The following STXBP6 variants were observed in gnomAD, a reference collection of about 807,000 sequenced individuals.
The protein encoded by STXBP6 is syntaxin binding protein 6.
Under a neutral mutation model 26.9 loss-of-function variants are expected in STXBP6, and 21 were observed. That is an observed-to-expected ratio of 0.78 (90% CI 0.55 to 1.12). The LOEUF (loss-of-function observed/expected upper bound fraction) is 1.12. STXBP6 is among the 50% of genes most tolerant of loss of function. The probability of loss-of-function intolerance (pLI) is 0.00; values close to 1 mark genes in which losing one functional copy is unlikely to be tolerated. For synonymous variants in STXBP6, 97 were observed against 92.6 expected (o/e 1.05, Z -0.27); for missense variants, 232 against 257.9 (o/e 0.90, Z 0.69).
chr14:24,815,616 A>C (rs2138687277), intron 5 of STXBP6: 1 of 152,164 alleles, frequency 6.6e-6, no homozygotes, highest in East Asian at 1.9e-4. Flanking sequence ...TTCTTCCCCC[A>C]CACACGTAGG....
At chr14:24,946,682 G>A (rs1193735114) in intron 2 of STXBP6, among the ~76,000 whole-genome samples, 1 of 152,226 alleles carries the variant, frequency 6.6e-6, no homozygotes, top group Admixed American at 6.5e-5. Flanking sequence ...CCCAAGGCAA[G>A]TGCAAATGTC....
At chr14:24,819,450 A>G in intron 4 of STXBP6, 1 of 586,618 alleles carries the variant, frequency 1.7e-6, no homozygotes, top group South Asian at 2.1e-5. Context: ...CATGCCAGTC[A>G]TTTCCATTCT....
intron 2 of STXBP6, among the ~76,000 whole-genome samples, chr14:24,857,418 C>T (rs1272650392): frequency 6.6e-6 from 1 of 152,016 alleles, no homozygotes; most frequent in Non-Finnish European, 1.5e-5. Context: ...TGTGTTTATC[C>T]ATTCAAACTG....
At chr14:24,818,942 A>C in intron 5 of STXBP6, 95 bp downstream of exon 5, 1 of 1,439,714 alleles carries the variant, frequency 6.9e-7, no homozygotes, top group Non-Finnish European at 9.3e-7. Flanking sequence ...TTAATTTTAT[A>C]TCTCTCATCA....
rs553845219 is a variant in STXBP6, at chr14:24,902,576, G to A, written c.155-45419C>T. On this transcript the variant is annotated intron_variant, in intron 2 of 5. Coordinates refer to ENST00000323944, the MANE Select transcript of STXBP6 (RefSeq NM_001394410.1). ...AACATCACAACTCTACAGACAGACA[G>A]CTGATGACTGATTATCAAACATTCA... is the stretch of plus-strand genomic sequence containing the variant. Among the ~76,000 whole-genome samples, 58 of 152,298 alleles carry A rather than the reference G, an allele frequency of 3.8e-4. 1 individual carries two copies. Among genetic ancestry groups the A allele is most frequent in the African/African-American group, 1.3e-3 (56 of 41,572 alleles).
At chr14:24,841,723 C>A (rs962857870) in intron 4 of STXBP6, among the ~76,000 whole-genome samples, 2 of 152,178 alleles carry the variant, frequency 1.3e-5, no homozygotes, top group Non-Finnish European at 2.9e-5. Flanking sequence ...TCAGAGACTA[C>A]ATTTTTCATT....
chr14:24,899,780 CAAAAAA>C (rs58367371), intron 2 of STXBP6, among the ~76,000 whole-genome samples: 3 of 46,876 alleles, frequency 6.4e-5, no homozygotes, highest in Non-Finnish European at 7.7e-5. Flanking sequence ...GACTACATTT[CAAAAAA>C]AAAAAAAAAA....
chr14:24,868,840 G>A (rs529251849), intron 2 of STXBP6, among the ~76,000 whole-genome samples: 2 of 152,312 alleles, frequency 1.3e-5, no homozygotes, highest in Admixed American at 6.5e-5. Flanking sequence ...CTTCATTGCA[G>A]TTGACTCTCC....
chr14:25,037,999 C>T (rs2075582474), intron 1 of STXBP6, among the ~76,000 whole-genome samples: 1 of 152,166 alleles, frequency 6.6e-6, no homozygotes, highest in South Asian at 2.1e-4. Flanking sequence ...CAGGTAACCC[C>T]CATGACTACA....
intron 5 of STXBP6, 101 bp from the exon 6 acceptor site, chr14:24,812,833 G>T: frequency 8.7e-7 from 1 of 1,145,122 alleles, no homozygotes; most frequent in Non-Finnish European, 1.3e-6. Context: ...ATGAGAAGCA[G>T]CACCAAGATT....
intron 2 of STXBP6, among the ~76,000 whole-genome samples, chr14:24,961,304 A>G (rs1372821153): frequency 6.6e-6 from 1 of 152,160 alleles, no homozygotes; most frequent in African/African-American, 2.4e-5. Flanking sequence ...CAGAAAAAAT[A>G]ACTATTGGGT....
At chr14:24,952,631 A>G (rs2073207710) in intron 2 of STXBP6, among the ~76,000 whole-genome samples, 1 of 152,226 alleles carries the variant, frequency 6.6e-6, no homozygotes, top group African/African-American at 2.4e-5. Context: ...TCTCTTTGTC[A>G]TTACAACAAA....
intron 1 of STXBP6, chr14:24,995,083 T>A (rs889215703): frequency 2.0e-5 from 3 of 151,724 alleles, no homozygotes; most frequent in Non-Finnish European, 4.4e-5. Flanking sequence ...CAAAAACTTA[T>A]TTCTCACTTT....
intron 2 of STXBP6, among the ~76,000 whole-genome samples, chr14:24,953,526 A>G (rs1344993397): frequency 6.6e-6 from 1 of 152,162 alleles, no homozygotes; most frequent in Non-Finnish European, 1.5e-5. Context: ...TGCTGCTCCC[A>G]CGCTTTCCGC....
At chr14:24,881,112 C>T (rs867725717) in intron 2 of STXBP6, among the ~76,000 whole-genome samples, 2 of 151,888 alleles carry the variant, frequency 1.3e-5, no homozygotes, top group South Asian at 2.1e-4. Context: ...GAGGTTTGAT[C>T]TGCTTCTGTT....
intron 2 of STXBP6, among the ~76,000 whole-genome samples, chr14:24,938,738 GCCAGGGGTCCTCCATA>G (rs1172183327): frequency 6.6e-6 from 1 of 152,126 alleles, no homozygotes; most frequent in Non-Finnish European, 1.5e-5. Context: ...CTGGAAGCAG[GCCAGGGGTCCTCCATA>G]ACGATCTGCT....
intron 2 of STXBP6, among the ~76,000 whole-genome samples, chr14:24,968,201 C>A (rs1486639301): frequency 7.1e-6 from 1 of 140,630 alleles, no homozygotes; most frequent in Non-Finnish European, 1.5e-5. Flanking sequence ...AAAATTATTG[C>A]AGTTGCTTTG....
At chr14:24,921,405 C>A (rs1256874067) in intron 2 of STXBP6, among the ~76,000 whole-genome samples, 1 of 152,114 alleles carries the variant, frequency 6.6e-6, no homozygotes, top group Non-Finnish European at 1.5e-5. Flanking sequence ...TTAAGAAGTG[C>A]AATTTTACTA....
chr14:24,890,771 G>A (rs1184257572), intron 2 of STXBP6, among the ~76,000 whole-genome samples: 2 of 152,176 alleles, frequency 1.3e-5, no homozygotes, highest in African/African-American at 4.8e-5. Flanking sequence ...TATTAAACAG[G>A]AAATTCAAGG....
Sources: allele counts gnomAD v4.1 joint callset (sites outside exome capture counted in the v4.1 genomes callset), GRCh38; gene constraint gnomAD v4.1.1; transcripts MANE v1.5; gene names NCBI Gene and HGNC (gene_info 2026-07-23, HGNC 2026-07-21).